Variants in EDAR observed in about 807,000 individuals in gnomAD.
EDAR encodes the protein ectodysplasin A receptor.
Under a neutral mutation model 51.3 loss-of-function variants are expected in EDAR, and 38 were observed. That is an observed-to-expected ratio of 0.74 (90% CI 0.57 to 0.97). The LOEUF (loss-of-function observed/expected upper bound fraction) is 0.97. Ranked by LOEUF, EDAR falls within the 50% of genes least tolerant of loss-of-function variation. EDAR has a pLI of 0.00. For missense variants in EDAR, 528 were observed against 595.0 expected (o/e 0.89, Z 1.17); for synonymous variants, 227 against 242.1 (o/e 0.94, Z 0.58).
In EDAR at chr2:108,931,048, C is replaced by T. The variant is rs759872591; in HGVS notation, c.-18-16G>A. On this transcript the variant is annotated splice_polypyrimidine_tract_variant and intron_variant, in intron 1 of 11. Transcript: ENST00000258443. ...AAGGGCTCACCTGAAAGACATGCGT[C>T]ATTAGCTGGGCACTGGCGGTAGCAC... 86 of 1,612,628 alleles carry T rather than the reference C, an allele frequency of 5.3e-5. No homozygotes were observed. In the Middle Eastern group the frequency reaches 6.6e-4, roughly 12 times the overall value.
intron 1 of EDAR, among the ~76,000 whole-genome samples, chr2:108,987,725 C>T (rs1422914908): frequency 3.3e-5 from 5 of 152,224 alleles, no homozygotes; most frequent in Non-Finnish European, 7.3e-5. Context: ...CCCGGCCAAT[C>T]GCCACCAGGA....
chr2:108,973,205 G>A (rs1396671278), intron 1 of EDAR, among the ~76,000 whole-genome samples: 1 of 152,140 alleles, frequency 6.6e-6, no homozygotes, highest in Non-Finnish European at 1.5e-5. Context: ...CCAGGCTGGT[G>A]TTGAACTCCT....
chr2:108,988,432 CCTT>C (rs1434718134), intron 1 of EDAR, among the ~76,000 whole-genome samples: 2 of 152,180 alleles, frequency 1.3e-5, no homozygotes, highest in Non-Finnish European at 2.9e-5. Flanking sequence ...CCACTCCCCT[CCTT>C]CTCTCCCTCT....
chr2:108,981,558 G>C (rs1206591502), intron 1 of EDAR, among the ~76,000 whole-genome samples: 2 of 152,172 alleles, frequency 1.3e-5, no homozygotes, highest in Admixed American at 6.5e-5. Flanking sequence ...AGCCAGCAGG[G>C]CTGTCTGCTG....
At chr2:108,987,132 A>G (rs1698512246) in intron 1 of EDAR, among the ~76,000 whole-genome samples, 1 of 152,260 alleles carries the variant, frequency 6.6e-6, no homozygotes. Flanking sequence ...CATCCTGTTT[A>G]CAGCTCCTGT....
At chr2:108,917,651 G>A (rs969430226) in intron 5 of EDAR, among the ~76,000 whole-genome samples, 3 of 152,106 alleles carry the variant, frequency 2.0e-5, no homozygotes, top group African/African-American at 7.2e-5. Flanking sequence ...ACTAGAGGGG[G>A]GTCAAACGGG....
chr2:108,914,517 A>C (rs1056351882), intron 5 of EDAR, among the ~76,000 whole-genome samples: 5 of 152,134 alleles, frequency 3.3e-5, no homozygotes, highest in African/African-American at 9.7e-5. Flanking sequence ...GCGGGGATAA[A>C]ATGGAAGCTG....
At chr2:108,961,737 T>A (rs892556769) in intron 1 of EDAR, among the ~76,000 whole-genome samples, 11 of 152,094 alleles carry the variant, frequency 7.2e-5, no homozygotes, top group African/African-American at 2.7e-4. Flanking sequence ...CTGGGGAGGC[T>A]TCCTGGAAGA....
chr2:108,929,642 A>G (rs1206748052), intron 3 of EDAR, among the ~76,000 whole-genome samples: 2 of 152,182 alleles, frequency 1.3e-5, no homozygotes, highest in African/African-American at 4.8e-5. Context: ...AGCTGCTGGA[A>G]TGCCCAGGCA....
At chr2:108,919,287 A>C (rs915793483) in intron 5 of EDAR, among the ~76,000 whole-genome samples, 7 of 152,132 alleles carry the variant, frequency 4.6e-5, no homozygotes, top group Non-Finnish European at 1.0e-4. Flanking sequence ...GCCTGAGGGG[A>C]CTTCGTCACT....
chr2:108,922,684 G>T (rs984287554), intron 5 of EDAR, among the ~76,000 whole-genome samples: 1 of 152,074 alleles, frequency 6.6e-6, no homozygotes. Context: ...GAGCCAGAGG[G>T]TGGCAAGTGC....
intron 1 of EDAR, among the ~76,000 whole-genome samples, chr2:108,931,598 A>G (rs904328548): frequency 2.0e-5 from 3 of 152,352 alleles, no homozygotes; most frequent in Admixed American, 1.3e-4. Context: ...GATTTGCCCC[A>G]GGTCACACAG....
At position 108,961,589 on chromosome 2, in the gene EDAR, C is replaced by T. The variant is rs529756927; in HGVS notation, c.-19+27371G>A. 3.9e-5 allele frequency among the ~76,000 whole-genome samples: 6 copies of T among 152,338 alleles called. No individual in the cohort carries two copies. In the South Asian group the frequency reaches 1.2e-3, roughly 32 times the overall value. On this transcript the variant is annotated intron_variant, in intron 1 of 11. Coordinates refer to ENST00000258443, the MANE Select transcript of EDAR (RefSeq NM_022336.4). Reference sequence around the variant, plus strand: ...GTTATGGACGTTCTGCAAAAACAGACATTTACATTAAAAAAGCACTCACTG... The same window carrying T: ...GTTATGGACGTTCTGCAAAAACAGATATTTACATTAAAAAAGCACTCACTG...
chr2:108,930,040 G>A, intron 3 of EDAR, 80 bp downstream of exon 3: 1 of 1,514,674 alleles, frequency 6.6e-7, no homozygotes. Flanking sequence ...CACACAGCAA[G>A]GCAGGCTCAG....
intron 5 of EDAR, among the ~76,000 whole-genome samples, chr2:108,913,171 G>A (rs545539457): frequency 6.6e-6 from 1 of 152,092 alleles, no homozygotes; most frequent in Non-Finnish European, 1.5e-5. Flanking sequence ...GGATGGGCTC[G>A]ATCTCCTGAC....
chr2:108,939,290 G>A (rs980255841), intron 1 of EDAR, among the ~76,000 whole-genome samples: 1 of 151,690 alleles, frequency 6.6e-6, no homozygotes, highest in African/African-American at 2.4e-5. Flanking sequence ...AGGTTCCAGT[G>A]ATTCTCCTGC....
chr2:108,904,202 A>G (rs1485082199), intron 11 of EDAR, among the ~76,000 whole-genome samples: 1 of 152,212 alleles, frequency 6.6e-6, no homozygotes, highest in Non-Finnish European at 1.5e-5. Flanking sequence ...CACAGATGAA[A>G]AAAACACAAG....
chr2:108,980,169 C>A (rs1213834694), intron 1 of EDAR, among the ~76,000 whole-genome samples: 1 of 152,258 alleles, frequency 6.6e-6, no homozygotes, highest in East Asian at 1.9e-4. Context: ...CAACCTGATA[C>A]TTTACTATTT....
At chr2:108,929,453 T>C (rs560958848) in intron 3 of EDAR, 74 bp from the exon 4 acceptor site, 3 of 1,513,406 alleles carry the variant, frequency 2.0e-6, no homozygotes, top group Admixed American at 1.7e-5. Context: ...CCACAGTCCT[T>C]GGGCAGTGAC....
Sources: allele counts gnomAD v4.1 joint callset (sites outside exome capture counted in the v4.1 genomes callset), GRCh38; gene constraint gnomAD v4.1.1; transcripts MANE v1.5; gene names NCBI Gene and HGNC (gene_info 2026-07-23, HGNC 2026-07-21).